Variants in ROBO1 observed in about 807,000 individuals in gnomAD.
ROBO1 encodes the protein roundabout homolog 1.
In ROBO1, 149 loss-of-function variants were observed where a neutral mutation model predicts 195.9. The observed-to-expected ratio is 0.76, with a 90% confidence interval of 0.67 to 0.87. The LOEUF is 0.87. Ranked by LOEUF, ROBO1 falls within the 40% of genes least tolerant of loss-of-function variation. The probability of loss-of-function intolerance (pLI) is 0.00; values close to 1 mark genes in which losing one functional copy is unlikely to be tolerated. For synonymous variants in ROBO1, 816 were observed against 733.2 expected (o/e 1.11, Z -1.82); for missense variants, 1,933 against 2,068.3 (o/e 0.93, Z 1.27).
intron 2 of ROBO1, among the ~76,000 whole-genome samples, chr3:79,579,590 T>A (rs1943596600): frequency 6.6e-6 from 1 of 152,164 alleles, no homozygotes; most frequent in Non-Finnish European, 1.5e-5. Flanking sequence ...TACTGTGTCA[T>A]GGGTTAATTG....
intron 4 of ROBO1, among the ~76,000 whole-genome samples, chr3:78,829,138 C>T (rs1347330019): frequency 6.6e-6 from 1 of 152,098 alleles, no homozygotes. Flanking sequence ...TAATATTAAG[C>T]TTCCATCTCA....
At chr3:79,365,751 T>G (rs921507356) in intron 2 of ROBO1, among the ~76,000 whole-genome samples, 9 of 151,582 alleles carry the variant, frequency 5.9e-5, no homozygotes, top group South Asian at 2.1e-4. Context: ...CAAAAAATTA[T>G]CCGGGCGTGG....
At position 78,780,251 on chromosome 3, in the gene ROBO1, A is replaced by C. The variant is rs1245196286; in HGVS notation, c.500-33351T>G. ...GGACATGCATCCCAGAATTTAAAGT[A>C]TAAAAAAAAATTCACATATGTTAGT... On this transcript the variant is annotated intron_variant, in intron 4 of 30. Coordinates refer to ENST00000464233, the MANE Select transcript of ROBO1 (RefSeq NM_002941.4). 2.0e-5 allele frequency among the ~76,000 whole-genome samples: 3 copies of C among 152,194 alleles called. No homozygotes were observed. The South Asian group carries it at 6.2e-4, about 31-fold the overall frequency.
intron 2 of ROBO1, among the ~76,000 whole-genome samples, chr3:79,361,507 C>T (rs1437629570): frequency 6.7e-6 from 1 of 148,434 alleles, no homozygotes. Context: ...AGCAAAATAA[C>T]GATTTAATAC....
chr3:79,687,879 G>A (rs370641065), intron 1 of ROBO1, among the ~76,000 whole-genome samples: 5 of 152,112 alleles, frequency 3.3e-5, no homozygotes, highest in South Asian at 2.1e-4. Context: ...GGTATATACC[G>A]AAAGGATTAT....
intron 4 of ROBO1, among the ~76,000 whole-genome samples, chr3:78,805,398 C>G (rs1315584408): frequency 6.6e-6 from 1 of 151,998 alleles, no homozygotes; most frequent in Non-Finnish European, 1.5e-5. Context: ...TTATAAATCT[C>G]TCCTTAAAGC....
At chr3:78,668,992 A>C (rs188379779) in intron 11 of ROBO1, among the ~76,000 whole-genome samples, 1,711 of 152,312 alleles carry the variant, frequency 0.011, 14 homozygotes, top group Non-Finnish European at 0.017. Flanking sequence ...ATATTTAACT[A>C]TATGGATATA....
intron 26 of ROBO1, among the ~76,000 whole-genome samples, chr3:78,624,985 G>A (rs1438721290): frequency 6.6e-6 from 1 of 152,074 alleles, no homozygotes. Flanking sequence ...ATGAAATTGG[G>A]GGGAAAGTAA....
chr3:79,676,894 A>G (rs1034854847), intron 1 of ROBO1, among the ~76,000 whole-genome samples: 14 of 152,098 alleles, frequency 9.2e-5, no homozygotes, highest in Non-Finnish European at 1.9e-4. Context: ...GATCCAAATC[A>G]TATCTAAACC....
chr3:79,396,319 C>T (rs2037152900), intron 2 of ROBO1, among the ~76,000 whole-genome samples: 2 of 151,960 alleles, frequency 1.3e-5, no homozygotes, highest in South Asian at 4.1e-4. Flanking sequence ...TTTTCATCTT[C>T]CAAAGAAAAA....
At chr3:79,378,197 CTCTT>C (rs1272908682) in intron 2 of ROBO1, among the ~76,000 whole-genome samples, 1 of 152,008 alleles carries the variant, frequency 6.6e-6, no homozygotes, top group East Asian at 1.9e-4. Context: ...CATTCTCTCT[CTCTT>C]TCTCTCTCTC....
At chr3:79,145,803 G>A (rs912878355) in intron 2 of ROBO1, among the ~76,000 whole-genome samples, 1 of 151,820 alleles carries the variant, frequency 6.6e-6, no homozygotes, top group Non-Finnish European at 1.5e-5. Flanking sequence ...GCTTGATAAA[G>A]TAAAAAACAG....
chr3:79,186,775 CTGGGTTTCTGGATGGCAACAG>C (rs2081447361), intron 2 of ROBO1, among the ~76,000 whole-genome samples: 1 of 152,034 alleles, frequency 6.6e-6, no homozygotes, highest in African/African-American at 2.4e-5. Flanking sequence ...CTCTCTCATT[CTGGGTTTCTGGATGGCAACAG>C]TGGGACAACT....
intron 2 of ROBO1, among the ~76,000 whole-genome samples, chr3:79,246,638 C>T (rs2082628578): frequency 1.3e-5 from 2 of 151,982 alleles, no homozygotes; most frequent in African/African-American, 4.8e-5. Flanking sequence ...CTGGTTTTGT[C>T]CCTTATTATT....
chr3:79,460,932 T>C (rs1937616176), intron 2 of ROBO1, among the ~76,000 whole-genome samples: 1 of 152,002 alleles, frequency 6.6e-6, no homozygotes, highest in South Asian at 2.1e-4. Flanking sequence ...GTATTTTTAG[T>C]AGAGACGGGG....
chr3:78,662,217 G>T, intron 14 of ROBO1, 103 bp from the exon 15 acceptor site: 5 of 967,598 alleles, frequency 5.2e-6, no homozygotes, highest in Non-Finnish European at 4.3e-6. Context: ...TCTCAGTAAA[G>T]AAGAGTCCAA....
intron 1 of ROBO1, among the ~76,000 whole-genome samples, chr3:79,637,933 G>T (rs1945544362): frequency 6.6e-6 from 1 of 152,018 alleles, no homozygotes; most frequent in Non-Finnish European, 1.5e-5. Flanking sequence ...TTTTTATATG[G>T]ATGGTTAGTA....
chr3:78,799,937 T>C (rs527964761), intron 4 of ROBO1, among the ~76,000 whole-genome samples: 3 of 152,130 alleles, frequency 2.0e-5, no homozygotes, highest in Non-Finnish European at 4.4e-5. Context: ...TGAGCTTGTC[T>C]AGGATTCAAG....
chr3:78,817,530 A>C (rs1187916411), intron 4 of ROBO1, among the ~76,000 whole-genome samples: 1 of 152,166 alleles, frequency 6.6e-6, no homozygotes. Flanking sequence ...AATTCACTAC[A>C]TCAAAAGATG....
Sources: gnomAD v4.1 joint callset for allele counts (sites outside exome capture counted in the v4.1 genomes callset) on GRCh38, gnomAD v4.1.1 for gene constraint, MANE v1.5 for transcripts, NCBI Gene and HGNC (gene_info 2026-07-23, HGNC 2026-07-21) for gene names.